Variants in TGFBR3 observed in about 807,000 individuals in gnomAD.
The protein encoded by TGFBR3 is transforming growth factor beta receptor type 3.
A neutral mutation model predicts 87.9 loss-of-function variants in TGFBR3; 46 were observed. The observed-to-expected ratio is 0.52, with a 90% CI of 0.41 to 0.67. The LOEUF is 0.67. Among genes scored for constraint, TGFBR3 ranks in the 30% least tolerant of loss-of-function variants. The pLI, the probability that TGFBR3 is intolerant of heterozygous loss-of-function variation, is 0.00. For synonymous variants in TGFBR3, 381 were observed against 391.6 expected (o/e 0.97, Z 0.32); for missense variants, 866 against 1,041.9 (o/e 0.83, Z 2.32).
chr1:91,741,694 G>A (rs542085027), intron 4 of TGFBR3, among the ~76,000 whole-genome samples: 11 of 152,200 alleles, frequency 7.2e-5, no homozygotes, highest in African/African-American at 2.6e-4. Context: ...GAGATGATGA[G>A]GGTTGGAGGA....
At chr1:91,875,649 AG>A (rs1396822047) in intron 1 of TGFBR3, among the ~76,000 whole-genome samples, 5 of 151,998 alleles carry the variant, frequency 3.3e-5, no homozygotes, top group Non-Finnish European at 5.9e-5. Flanking sequence ...GCATTTTGGG[AG>A]GCTGAGGCAG....
At chr1:91,735,843 A>C (rs1169659397) in intron 4 of TGFBR3, among the ~76,000 whole-genome samples, 2 of 152,180 alleles carry the variant, frequency 1.3e-5, no homozygotes, top group South Asian at 4.1e-4. Context: ...GATTTTTTCA[A>C]TGTCAGAGTG....
At chr1:91,712,190 G>C in intron 13 of TGFBR3, 53 bp downstream of exon 13, 2 of 1,553,494 alleles carry the variant, frequency 1.3e-6, no homozygotes, top group South Asian at 2.3e-5. Flanking sequence ...AAACTTTTCT[G>C]CCTCACCTAA....
chr1:91,785,604 C>A (rs1674927351), intron 3 of TGFBR3, among the ~76,000 whole-genome samples: 1 of 152,236 alleles, frequency 6.6e-6, no homozygotes, highest in Admixed American at 6.5e-5. Flanking sequence ...AGGTGAAGAA[C>A]TTTCCTCCAC....
intron 2 of TGFBR3, among the ~76,000 whole-genome samples, chr1:91,837,402 C>T (rs1206722493): frequency 6.6e-6 from 1 of 152,062 alleles, no homozygotes; most frequent in Non-Finnish European, 1.5e-5. Context: ...TGCACCATCA[C>T]GCCTGGCTAA....
chr1:91,704,337 A>C (rs201588142), intron 14 of TGFBR3, among the ~76,000 whole-genome samples: 25,196 of 151,514 alleles, frequency 0.17, 2,377 homozygotes, highest in Non-Finnish European at 0.22. Context: ...CAAAAAAAAA[A>C]AAAAAAGAAA....
intron 2 of TGFBR3, among the ~76,000 whole-genome samples, chr1:91,833,413 A>ATGGTGC (rs1676934379): frequency 7.0e-6 from 1 of 143,294 alleles, no homozygotes; most frequent in African/African-American, 2.6e-5. Flanking sequence ...GAGAGCCAAG[A>ATGGTGC]TCACACCACT....
At chr1:91,835,827 CAAAAAAAAA>C (rs57326419) in intron 2 of TGFBR3, among the ~76,000 whole-genome samples, 3 of 74,746 alleles carry the variant, frequency 4.0e-5, no homozygotes, top group Admixed American at 1.7e-4. Context: ...GACTCCACCT[CAAAAAAAAA>C]AAAAAAAAAA....
intron 3 of TGFBR3, among the ~76,000 whole-genome samples, chr1:91,764,330 A>AC (rs1674088929): frequency 7.5e-6 from 1 of 132,508 alleles, no homozygotes; most frequent in African/African-American, 2.5e-5. Flanking sequence ...AAAAAAAAAA[A>AC]AAAAAAAAAC....
intron 4 of TGFBR3, among the ~76,000 whole-genome samples, chr1:91,755,230 A>G (rs1322625848): frequency 1.3e-5 from 2 of 152,178 alleles, no homozygotes; most frequent in Non-Finnish European, 2.9e-5. Flanking sequence ...CTGGATTTCT[A>G]TTGATCACCA....
chr1:91,857,033 C>T (rs1312351303), intron 2 of TGFBR3, among the ~76,000 whole-genome samples: 2 of 152,138 alleles, frequency 1.3e-5, no homozygotes, highest in Non-Finnish European at 2.9e-5. Flanking sequence ...TAATAATACC[C>T]ATCTCATAGA....
chr1:91,712,350 G>T lies in TGFBR3; in HGVS notation c.2059C>A (p.Arg687=). 6.2e-7 allele frequency: 1 copy of T among 1,614,166 alleles called. No homozygotes were observed. The highest frequency in any genetic ancestry group is 8.5e-7 in the Non-Finnish European group (1 of 1,179,990). Residue 687 remains arginine, a synonymous_variant, in exon 13 of 17, where the codon CGA becomes AGA. Transcript: ENST00000212355. ...PIPQADMDKK[R]FSFVFKPVFN... is the part of the protein sequence containing the mutation. ...ACAGGCTTGAAGACAAAGCTGAATC[G>T]CTTCTTATCCATGTCAGCTTGCGGG... is the stretch of plus-strand genomic sequence containing the variant.
At position 91,703,396 on chromosome 1, in the gene TGFBR3, T is replaced by C. The variant is rs181082191; in HGVS notation, c.2288-5266A>G. ...GGGGAGGAAATTAACATTTACTGAG[T>C]ATCCAAGATATGCAGGCATTTTTAT... On this transcript the variant is annotated intron_variant, in intron 14 of 16. Transcript: ENST00000212355. 1.3e-3 allele frequency among the ~76,000 whole-genome samples: 203 copies of C among 152,332 alleles called. 1 individual carries two copies. Among genetic ancestry groups the C allele is most frequent in the African/African-American group, 4.5e-3 (186 of 41,564 alleles).
intron 4 of TGFBR3, among the ~76,000 whole-genome samples, chr1:91,749,400 A>G (rs1184286229): frequency 6.6e-6 from 1 of 152,216 alleles, no homozygotes; most frequent in South Asian, 2.1e-4. Context: ...AAGGACCCAC[A>G]GTTGCAACAA....
At chr1:91,885,415 C>T (rs1679257806) in intron 1 of TGFBR3, among the ~76,000 whole-genome samples, 1 of 151,838 alleles carries the variant, frequency 6.6e-6, no homozygotes, top group Admixed American at 6.6e-5. Context: ...ACCCTGAGGG[C>T]GCGGCCAGCG....
chr1:91,876,899 C>CA (rs760686617), intron 1 of TGFBR3, among the ~76,000 whole-genome samples: 2,281 of 144,124 alleles, frequency 0.016, 29 homozygotes, highest in Non-Finnish European at 0.024. Context: ...TTACCCTCTG[C>CA]AAAAAAAAAA....
At chr1:91,747,883 C>T (rs1379320169) in intron 4 of TGFBR3, among the ~76,000 whole-genome samples, 2 of 152,222 alleles carry the variant, frequency 1.3e-5, no homozygotes, top group Non-Finnish European at 2.9e-5. Flanking sequence ...GAAGGCCTCC[C>T]TGCGGACTTT....
chr1:91,757,901 A>G (rs1016088309), intron 4 of TGFBR3, among the ~76,000 whole-genome samples: 1 of 152,176 alleles, frequency 6.6e-6, no homozygotes, highest in Non-Finnish European at 1.5e-5. Context: ...CAGTTAGGAC[A>G]TTAGCCTGCA....
Position 91,695,713 on chromosome 1 carries a change from G to A in TGFBR3, c.2396C>T (p.Ala799Val). 6.2e-7 allele frequency: 1 copy of A among 1,614,188 alleles called. No individual in the cohort carries two copies. Among genetic ancestry groups the A allele is most frequent in the South Asian group, 1.1e-5 (1 of 91,086 alleles). ...GIAFAAFVIG[A>V]LLTGALWYIY... is the part of the protein sequence containing the mutation. ...GTACCACAAGGCCCCCGTCAGGAGTGCTCCGATCACAAAGGCTGCAAACGC... is the reference window on the plus strand; with the variant it reads ...GTACCACAAGGCCCCCGTCAGGAGTACTCCGATCACAAAGGCTGCAAACGC... Residue 799 changes from alanine to valine, a missense_variant, in exon 16 of 17, where the codon GCA becomes GTA. Ala to Val is a moderately conservative substitution (Grantham distance 64, BLOSUM62 0). Transcript: ENST00000212355.
Sources: allele counts gnomAD v4.1 joint callset (sites outside exome capture counted in the v4.1 genomes callset), GRCh38; gene constraint gnomAD v4.1.1; transcripts MANE v1.5; gene names NCBI Gene and HGNC (gene_info 2026-07-23, HGNC 2026-07-21).